The following RBMS3 variants were observed in gnomAD, a reference collection of about 807,000 sequenced individuals.
RBMS3 encodes the protein RNA binding motif single stranded interacting protein 3, also known as RNA-binding motif, single-stranded-interacting protein 3.
A neutral mutation model predicts 66.8 loss-of-function variants in RBMS3; 27 were observed. The observed-to-expected ratio is 0.40, with a 90% CI of 0.30 to 0.56. The LOEUF (loss-of-function observed/expected upper bound fraction) is 0.56. Among genes scored for constraint, RBMS3 ranks in the 20% least tolerant of loss-of-function variants. The pLI, the probability that RBMS3 is intolerant of heterozygous loss-of-function variation, is 0.40. For synonymous variants in RBMS3, 188 were observed against 183.0 expected (o/e 1.03, Z -0.22); for missense variants, 513 against 549.5 (o/e 0.93, Z 0.66).
intron 10 of RBMS3, among the ~76,000 whole-genome samples, chr3:29,919,533 A>G (rs2060716703): frequency 6.6e-6 from 1 of 152,204 alleles, no homozygotes; most frequent in Non-Finnish European, 1.5e-5. Context: ...CCATTTGCTA[A>G]TCCCAGTTTC....
At chr3:29,722,171 A>G (rs1183942713) in intron 4 of RBMS3, among the ~76,000 whole-genome samples, 1 of 152,162 alleles carries the variant, frequency 6.6e-6, no homozygotes, top group Non-Finnish European at 1.5e-5. Context: ...ATCAAAATTA[A>G]CAGCTTGTTT....
intron 2 of RBMS3, among the ~76,000 whole-genome samples, chr3:29,471,760 G>T (rs2042737277): frequency 9.0e-6 from 1 of 111,180 alleles, no homozygotes. Flanking sequence ...CCTTTGATAT[G>T]GCTTTCATAT....
intron 1 of RBMS3, among the ~76,000 whole-genome samples, chr3:29,407,642 A>G (rs2040081868): frequency 6.6e-6 from 1 of 152,170 alleles, no homozygotes; most frequent in Non-Finnish European, 1.5e-5. Context: ...AAATGTTTCT[A>G]TATCTTTCTC....
intron 1 of RBMS3, among the ~76,000 whole-genome samples, chr3:29,395,714 CAA>C (rs900143714): frequency 6.6e-6 from 1 of 152,092 alleles, no homozygotes; most frequent in African/African-American, 2.4e-5. Flanking sequence ...AAATTAAAAA[CAA>C]AGACATGTTT....
intron 4 of RBMS3, among the ~76,000 whole-genome samples, chr3:29,675,755 A>T (rs555259657): frequency 6.6e-6 from 1 of 152,310 alleles, no homozygotes; most frequent in South Asian, 2.1e-4. Flanking sequence ...TTAGAATGAC[A>T]ATCATTAAAA....
intron 3 of RBMS3, among the ~76,000 whole-genome samples, chr3:29,513,254 TG>T (rs1233678391): frequency 6.6e-6 from 1 of 152,172 alleles, no homozygotes; most frequent in African/African-American, 2.4e-5. Flanking sequence ...AGTTGAAAAC[TG>T]TACTTGTTTG....
intron 6 of RBMS3, among the ~76,000 whole-genome samples, chr3:29,835,986 A>C (rs1047407282): frequency 3.3e-5 from 5 of 151,978 alleles, no homozygotes; most frequent in Admixed American, 2.6e-4. Context: ...GGCTAATATA[A>C]ACAATTATAT....
chr3:29,443,589 G>A (rs530121804), intron 2 of RBMS3, among the ~76,000 whole-genome samples: 58 of 152,188 alleles, frequency 3.8e-4, no homozygotes, highest in African/African-American at 1.3e-3. Flanking sequence ...TAAGAATTTG[G>A]CCAAAGCTTG....
intron 6 of RBMS3, among the ~76,000 whole-genome samples, chr3:29,827,935 C>G: frequency 6.6e-6 from 1 of 152,106 alleles, no homozygotes; most frequent in East Asian, 1.9e-4. Context: ...TCATAGCATC[C>G]AGACACAGTG....
intron 6 of RBMS3, among the ~76,000 whole-genome samples, chr3:29,806,919 A>G (rs2057567963): frequency 1.3e-5 from 2 of 151,934 alleles, no homozygotes; most frequent in Admixed American, 1.3e-4. Flanking sequence ...CTTTTGCCAT[A>G]TAGTGGCAAT....
chr3:29,801,493 C>A (rs4680848), intron 6 of RBMS3, among the ~76,000 whole-genome samples: 57,054 of 151,618 alleles, frequency 0.38, 11,324 homozygotes, highest in Non-Finnish European at 0.45. Context: ...GTCTCGAACT[C>A]CTGCCCTCAA....
chr3:29,996,032 G>T (rs1699205562), intron 14 of RBMS3, among the ~76,000 whole-genome samples: 1 of 152,156 alleles, frequency 6.6e-6, no homozygotes, highest in Non-Finnish European at 1.5e-5. Context: ...CATCTCACTT[G>T]CAGAGACACA....
chr3:29,947,515 T>G (rs1399168696), intron 12 of RBMS3, among the ~76,000 whole-genome samples: 2 of 151,506 alleles, frequency 1.3e-5, no homozygotes, highest in African/African-American at 4.8e-5. Context: ...AAAGCATCTC[T>G]GATTTATTTC....
At chr3:29,778,049 C>G (rs1326947744) in intron 6 of RBMS3, among the ~76,000 whole-genome samples, 1 of 151,846 alleles carries the variant, frequency 6.6e-6, no homozygotes, top group Non-Finnish European at 1.5e-5. Flanking sequence ...CTCCCCTTGA[C>G]CTTTGCCTCC....
At chr3:29,482,701 C>CTTTTTTTTTT (rs755520785) in intron 2 of RBMS3, among the ~76,000 whole-genome samples, 77 of 77,508 alleles carry the variant, frequency 9.9e-4, no homozygotes, top group Middle Eastern at 0.012. Flanking sequence ...TTCTTTCTTT[C>CTTTTTTTTTT]TTTTTTTTTT....
At chr3:29,886,211 G>A (rs547916568) in intron 8 of RBMS3, among the ~76,000 whole-genome samples, 66 of 151,840 alleles carry the variant, frequency 4.3e-4, no homozygotes, top group African/African-American at 1.5e-3. Context: ...TTGCTCAGTT[G>A]CCCCAAAATG....
chr3:29,952,391 ATATAT>A (rs1442444333), intron 12 of RBMS3, among the ~76,000 whole-genome samples: 2 of 151,894 alleles, frequency 1.3e-5, no homozygotes, highest in Non-Finnish European at 2.9e-5. Flanking sequence ...ATTTCAAATG[ATATAT>A]TATGTTTCTT....
intron 6 of RBMS3, among the ~76,000 whole-genome samples, chr3:29,794,072 C>G (rs1273125637): frequency 3.9e-5 from 6 of 152,172 alleles, no homozygotes; most frequent in African/African-American, 1.4e-4. Context: ...TCCTGAGGCC[C>G]TCACCAGAAG....
At chr3:29,337,708 A>G (rs189533450) in intron 1 of RBMS3, among the ~76,000 whole-genome samples, 50 of 152,242 alleles carry the variant, frequency 3.3e-4, no homozygotes, top group Middle Eastern at 3.4e-3. Flanking sequence ...TAGATGTTCT[A>G]ATGTGATATG....
Sources: allele counts gnomAD v4.1 joint callset (sites outside exome capture counted in the v4.1 genomes callset), GRCh38; gene constraint gnomAD v4.1.1; transcripts MANE v1.5; gene names NCBI Gene and HGNC (gene_info 2026-07-23, HGNC 2026-07-21).